NCAM1: variants seen among roughly 807,000 people sequenced by gnomAD.
NCAM1 encodes neural cell adhesion molecule 1, also known as antigen recognized by monoclonal antibody 5.1H11.
Under a neutral mutation model 109.8 loss-of-function variants are expected in NCAM1, and 14 were observed. The ratio of observed to expected loss-of-function variants is 0.13; its 90% CI spans 0.08 to 0.20. The LOEUF (loss-of-function observed/expected upper bound fraction) is 0.20. Ranked by LOEUF, NCAM1 falls within the 10% of genes least tolerant of loss-of-function variation. NCAM1 has a pLI of 1.00. For missense variants in NCAM1, 774 were observed against 1,109.9 expected, an observed-to-expected ratio of 0.70 and a Z score of 4.30; for synonymous variants, 418 against 442.9, an observed-to-expected ratio of 0.94 and a Z score of 0.70.
chr11:113,124,455 C>A lies in NCAM1; in HGVS notation c.53-77924C>A, dbSNP rs552740505. ...ACAGATCTCCACCTCTCTTTTCTGACACTTTTAAATCCAGCCAAGCAGGGG... is the reference window on the plus strand; with the variant it reads ...ACAGATCTCCACCTCTCTTTTCTGAAACTTTTAAATCCAGCCAAGCAGGGG... On this transcript the variant is annotated intron_variant, in intron 1 of 19. Coordinates refer to ENST00000316851, the MANE Select transcript of NCAM1 (RefSeq NM_181351.5). Among the ~76,000 whole-genome samples the A allele has an allele frequency of 1.3e-4, 20 of 152,338 alleles. No individual in the cohort carries two copies. The South Asian group carries it at 2.5e-3, about 19-fold the overall frequency.
At chr11:113,205,412 A>G in intron 3 of NCAM1, 111 bp from the exon 4 acceptor site, 2 of 1,386,066 alleles carry the variant, frequency 1.4e-6, no homozygotes, top group East Asian at 2.5e-5. Context: ...ACAACTGTAC[A>G]TCAGGATCGA....
At chr11:113,071,188 G>A (rs782579518) in intron 1 of NCAM1, among the ~76,000 whole-genome samples, 9 of 152,108 alleles carry the variant, frequency 5.9e-5, no homozygotes, top group Non-Finnish European at 1.2e-4. Context: ...ATAGATGAAT[G>A]AAAAAGAGCA....
intron 1 of NCAM1, among the ~76,000 whole-genome samples, chr11:113,042,889 G>C (rs540359165): frequency 6.6e-6 from 1 of 152,264 alleles, no homozygotes; most frequent in African/African-American, 2.4e-5. Flanking sequence ...TCCAGAAAGT[G>C]TCCTTGACTT....
intron 1 of NCAM1, among the ~76,000 whole-genome samples, chr11:113,129,554 G>T (rs1418623560): frequency 1.3e-5 from 2 of 152,046 alleles, no homozygotes; most frequent in East Asian, 3.9e-4. Flanking sequence ...ATGAACACAG[G>T]GATGAACTTG....
intron 1 of NCAM1, among the ~76,000 whole-genome samples, chr11:113,127,114 A>C (rs1263801549): frequency 6.6e-6 from 1 of 152,118 alleles, no homozygotes; most frequent in African/African-American, 2.4e-5. Flanking sequence ...ACTACCTCTT[A>C]TGTATTAGAA....
chr11:113,260,670 C>G (rs1172152630), intron 17 of NCAM1, among the ~76,000 whole-genome samples: 5 of 152,180 alleles, frequency 3.3e-5, no homozygotes, highest in Non-Finnish European at 7.3e-5. Context: ...GAGACCTTAT[C>G]TGCCATCTGC....
At chr11:113,231,450 A>T (rs1325058840) in intron 9 of NCAM1, 195 bp from the exon 10 acceptor site, 7 of 894,296 alleles carry the variant, frequency 7.8e-6, no homozygotes, top group Admixed American at 7.3e-5. Context: ...CCAGGTTCTC[A>T]TGCTGCTTCC....
intron 1 of NCAM1, among the ~76,000 whole-genome samples, chr11:112,984,225 T>C (rs541667189): frequency 1.3e-5 from 2 of 152,128 alleles, no homozygotes; most frequent in East Asian, 3.9e-4. Context: ...ATTGCCTTAA[T>C]GGCAGGATGT....
intron 1 of NCAM1, among the ~76,000 whole-genome samples, chr11:113,028,955 G>A (rs1201901337): frequency 6.6e-6 from 1 of 152,106 alleles, no homozygotes; most frequent in African/African-American, 2.4e-5. Flanking sequence ...GAGTTAAGAG[G>A]TCATCTCTTA....
chr11:113,202,763 A>G (rs906111707), intron 2 of NCAM1, among the ~76,000 whole-genome samples: 4 of 152,246 alleles, frequency 2.6e-5, no homozygotes, highest in South Asian at 2.1e-4. Flanking sequence ...CCTATTCTGT[A>G]TACATTCAGA....
chr11:113,190,636 C>G (rs1555109690), intron 1 of NCAM1, among the ~76,000 whole-genome samples: 1 of 152,136 alleles, frequency 6.6e-6, no homozygotes, highest in Non-Finnish European at 1.5e-5. Flanking sequence ...CTCATTTGTT[C>G]CCTAACTCAA....
chr11:113,248,226 A>AC (rs1945559153), intron 15 of NCAM1, among the ~76,000 whole-genome samples: 1 of 87,836 alleles, frequency 1.1e-5, no homozygotes, highest in South Asian at 7.7e-4. Context: ...TGTGGCCGGT[A>AC]CCAAAAAAAA....
intron 8 of NCAM1, among the ~76,000 whole-genome samples, chr11:113,218,702 G>A (rs1944599896): frequency 6.6e-6 from 1 of 152,202 alleles, no homozygotes; most frequent in African/African-American, 2.4e-5. Flanking sequence ...AGCTAGTTGA[G>A]TTGGTTTAGC....
At chr11:112,967,508 T>G (rs1271451851) in intron 1 of NCAM1, among the ~76,000 whole-genome samples, 1 of 152,212 alleles carries the variant, frequency 6.6e-6, no homozygotes, top group Admixed American at 6.5e-5. Context: ...GACAAATGAT[T>G]TAACTCCTTC....
chr11:112,965,500 C>T (rs1022692625), intron 1 of NCAM1, among the ~76,000 whole-genome samples: 1 of 152,132 alleles, frequency 6.6e-6, no homozygotes, highest in African/African-American at 2.4e-5. Flanking sequence ...TCTTAATTGC[C>T]TTTCAAAGTA....
chr11:113,043,839 A>G (rs970935933), intron 1 of NCAM1, among the ~76,000 whole-genome samples: 2 of 151,988 alleles, frequency 1.3e-5, no homozygotes, highest in Non-Finnish European at 2.9e-5. Flanking sequence ...CGCCTGACAC[A>G]GCCTCCAGGG....
At chr11:112,980,961 T>G (rs1311915390) in intron 1 of NCAM1, among the ~76,000 whole-genome samples, 1 of 151,834 alleles carries the variant, frequency 6.6e-6, no homozygotes, top group Non-Finnish European at 1.5e-5. Flanking sequence ...TTTCTGCCGG[T>G]CTTCTAGGAG....
chr11:113,217,475 G>A (rs566402359), intron 8 of NCAM1, among the ~76,000 whole-genome samples: 28 of 151,946 alleles, frequency 1.8e-4, no homozygotes, highest in Admixed American at 1.6e-3. Flanking sequence ...TGTCTTATAC[G>A]AGATAGTTTC....
At position 113,264,882 on chromosome 11, in the gene NCAM1, G is replaced by A. The variant is rs1267196420; in HGVS notation, c.2131+4559G>A. On this transcript the variant is annotated intron_variant, in intron 17 of 19. Coordinates refer to ENST00000316851, the MANE Select transcript of NCAM1 (RefSeq NM_181351.5). ...GCACTAGCGCATACCCACTCCCCAC[G>A]GACACTGAGTTCCTGGTGACAGCTG... 9.1e-6 allele frequency: 9 copies of A among 985,418 alleles called. No homozygotes were observed. The Admixed American group carries it at 2.5e-4, about 27-fold the overall frequency. The allele number at this position is 985,418 out of a possible 1,614,324, so 61.0% of individuals were successfully genotyped here.
Sources: allele counts gnomAD v4.1 joint callset (sites outside exome capture counted in the v4.1 genomes callset), GRCh38; gene constraint gnomAD v4.1.1; transcripts MANE v1.5; gene names NCBI Gene and HGNC (gene_info 2026-07-23, HGNC 2026-07-21).